The following GRIA3 variants were observed in gnomAD, a reference collection of about 807,000 sequenced individuals.
GRIA3 encodes the protein glutamate ionotropic receptor AMPA type subunit 3.
Under a neutral mutation model 63.0 loss-of-function variants are expected in GRIA3, and 3 were observed. That is an observed-to-expected ratio of 0.05 (90% confidence interval 0.02 to 0.12). The LOEUF is 0.12. GRIA3 is among the 10% of genes least tolerant of loss of function. GRIA3 has a pLI of 1.00. For missense variants in GRIA3, 347 were observed against 700.9 expected, an observed-to-expected ratio of 0.50 and a Z score of 5.70; for synonymous variants, 274 against 257.9, an observed-to-expected ratio of 1.06 and a Z score of -0.60.
chrX:123,296,917 T>C (rs1331206244), intron 3 of GRIA3, among the ~76,000 whole-genome samples: 3 of 111,807 alleles, frequency 2.7e-5, no homozygotes, highest in African/African-American at 9.7e-5. Flanking sequence ...TCCATATTAT[T>C]TTTTATCCCA....
chrX:123,374,491 T>C (rs771173524), intron 5 of GRIA3, among the ~76,000 whole-genome samples: 2 of 112,247 alleles, frequency 1.8e-5, no homozygotes, highest in Non-Finnish European at 3.8e-5. Context: ...TCCATGAGCA[T>C]GGAATGTTCT....
rs1491326302 is a variant in GRIA3 at position 123,463,698 on chromosome X, GAA to G, written c.2077-1163_2077-1162del. ...AAAGAAAGAAAGAGAGAGAAAGAAA[GAA>G]AAAGAAAGAAAGAAAGAAAGAAAGA... is the stretch of plus-strand genomic sequence containing the variant. On this transcript the variant is annotated intron_variant, in intron 12 of 15. Coordinates refer to ENST00000620443, the MANE Select transcript of GRIA3 (RefSeq NM_007325.5). Among the ~76,000 whole-genome samples the G allele has an allele frequency of 3.0e-4, 13 of 44,008 alleles. No homozygotes were observed. In the East Asian group the frequency reaches 4.1e-3, roughly 14 times the overall value. The allele number at this position is 44,008 out of a possible 115,157, so 38.2% of individuals were successfully genotyped here. A position where few individuals can be genotyped will look rare whatever the true frequency, so the allele number is the denominator to read the frequency against.
In GRIA3 at chrX:123,403,022, T is replaced by A; in HGVS notation, c.1109T>A (p.Ile370Asn). 8.6e-7 allele frequency: 1 copy of A among 1,165,325 alleles called. No homozygotes were observed. The highest frequency in any genetic ancestry group is 1.2e-6 in the Non-Finnish European group (1 of 853,903). Residue 370 changes from isoleucine to asparagine, a missense_variant, in exon 8 of 16, where the codon ATT becomes AAT. Ile to Asn is a moderately radical substitution (Grantham distance 149, BLOSUM62 -3). Transcript: ENST00000620443. ...MVQVQGMTGN[I>N]QFDTYGRRTN... ...CAAGTACAAGGAATGACTGGAAATA[T>A]TCAATTTGACACTTATGGACGTAGG...
intron 4 of GRIA3, among the ~76,000 whole-genome samples, chrX:123,332,472 G>A (rs1266784865): frequency 1.8e-5 from 2 of 111,254 alleles, no homozygotes; most frequent in Admixed American, 1.9e-4. Flanking sequence ...TTTTACAAAT[G>A]AGGAAATTGA....
intron 10 of GRIA3, among the ~76,000 whole-genome samples, chrX:123,415,478 A>G (rs1048945186): frequency 1.8e-5 from 2 of 111,431 alleles, no homozygotes; most frequent in African/African-American, 6.5e-5. Context: ...GGGAGGGGGA[A>G]CTGAGATGAT....
intron 2 of GRIA3, among the ~76,000 whole-genome samples, chrX:123,241,057 C>T (rs746268561): frequency 1.1e-3 from 126 of 111,551 alleles, no homozygotes; most frequent in African/African-American, 4.0e-3. Flanking sequence ...TATTTATTAT[C>T]TAGTTATTGT....
chrX:123,448,816 T>C (rs1221918107), intron 12 of GRIA3, among the ~76,000 whole-genome samples: 1 of 111,892 alleles, frequency 8.9e-6, no homozygotes, highest in Non-Finnish European at 1.9e-5. Context: ...CACATCTCCA[T>C]TCCTTACAGC....
chrX:123,338,853 T>TC (rs2044991493), intron 4 of GRIA3, among the ~76,000 whole-genome samples: 1 of 112,203 alleles, frequency 8.9e-6, no homozygotes. Flanking sequence ...CCTGGCCCCA[T>TC]CAAACTATAT....
chrX:123,228,456 G>T (rs1252857250), intron 2 of GRIA3, among the ~76,000 whole-genome samples: 1 of 111,484 alleles, frequency 9.0e-6, no homozygotes, highest in African/African-American at 3.3e-5. Flanking sequence ...CCAACTAATG[G>T]GTCCAATGAC....
chrX:123,207,873 C>T (rs1209725522), intron 2 of GRIA3, among the ~76,000 whole-genome samples: 1 of 111,456 alleles, frequency 9.0e-6, no homozygotes, highest in Admixed American at 9.5e-5. Context: ...CACATTTGAA[C>T]CAGCCAAGTA....
At chrX:123,484,111 A>G (rs1412601464) in intron 15 of GRIA3, among the ~76,000 whole-genome samples, 1 of 111,902 alleles carries the variant, frequency 8.9e-6, no homozygotes, top group Non-Finnish European at 1.9e-5. Flanking sequence ...CTATCAAAGG[A>G]TAGTCTAGGC....
chrX:123,220,157 C>A (rs774639550), intron 2 of GRIA3, among the ~76,000 whole-genome samples: 71 of 112,032 alleles, frequency 6.3e-4, no homozygotes, highest in Non-Finnish European at 1.2e-3. Context: ...ACCTGAGTGC[C>A]CTGGGAGTGG....
intron 5 of GRIA3, among the ~76,000 whole-genome samples, chrX:123,366,552 A>G (rs2045211471): frequency 8.9e-6 from 1 of 111,937 alleles, no homozygotes; most frequent in Non-Finnish European, 1.9e-5. Flanking sequence ...TAAGTGTTCA[A>G]TTTAAGAGAA....
chrX:123,438,719 T>C (rs967532288), intron 12 of GRIA3, among the ~76,000 whole-genome samples: 3 of 112,179 alleles, frequency 2.7e-5, no homozygotes, highest in Non-Finnish European at 5.6e-5. Context: ...GATGTGTTTT[T>C]ACCATGTTGG....
intron 10 of GRIA3, among the ~76,000 whole-genome samples, chrX:123,407,661 G>A (rs760403020): frequency 1.2e-5 from 1 of 84,686 alleles, no homozygotes; most frequent in East Asian, 4.3e-4. Flanking sequence ...ATCACCTTGG[G>A]GGTTAGGATT....
intron 2 of GRIA3, among the ~76,000 whole-genome samples, chrX:123,236,149 A>G (rs2044300797): frequency 9.0e-6 from 1 of 111,714 alleles, no homozygotes; most frequent in Non-Finnish European, 1.9e-5. Flanking sequence ...CACTTCGTTT[A>G]CCCTCAAATA....
intron 11 of GRIA3, among the ~76,000 whole-genome samples, chrX:123,421,326 T>C (rs778147860): frequency 7.1e-5 from 8 of 112,097 alleles, no homozygotes; most frequent in Non-Finnish European, 1.5e-4. Flanking sequence ...GAAACATGTT[T>C]CTCCTTGTCT....
At chrX:123,430,002 C>T (rs748221745) in intron 12 of GRIA3, among the ~76,000 whole-genome samples, 3 of 111,978 alleles carry the variant, frequency 2.7e-5, no homozygotes, top group Non-Finnish European at 3.8e-5. Context: ...GAAAGTGTGA[C>T]CAAATATTCA....
At chrX:123,307,608 A>T (rs2044762999) in intron 3 of GRIA3, among the ~76,000 whole-genome samples, 1 of 111,915 alleles carries the variant, frequency 8.9e-6, no homozygotes, top group Admixed American at 9.5e-5. Flanking sequence ...TCCTTTCCCC[A>T]CCTCTGAGCA....
Sources: allele counts gnomAD v4.1 joint callset (sites outside exome capture counted in the v4.1 genomes callset), GRCh38; gene constraint gnomAD v4.1.1; transcripts MANE v1.5; gene names NCBI Gene and HGNC (gene_info 2026-07-23, HGNC 2026-07-21).